MRPS9: variants seen among roughly 807,000 people sequenced by gnomAD.
MRPS9 encodes the protein small ribosomal subunit protein uS9m.
A neutral mutation model predicts 59.9 loss-of-function variants in MRPS9; 45 were observed. That is an observed-to-expected ratio of 0.75 (90% CI 0.59 to 0.96). MRPS9 has a LOEUF of 0.96. Among genes scored for constraint, MRPS9 ranks in the 40% least tolerant of loss-of-function variants. The pLI, the probability that MRPS9 is intolerant of heterozygous loss-of-function variation, is 0.00. For synonymous variants in MRPS9, 171 were observed against 166.8 expected, an observed-to-expected ratio of 1.03 and a Z score of -0.19; for missense variants, 473 against 481.1, an observed-to-expected ratio of 0.98 and a Z score of 0.16.
intron 1 of MRPS9, among the ~76,000 whole-genome samples, chr2:105,041,257 TATA>T (rs1157607580): frequency 4.6e-5 from 7 of 152,222 alleles, no homozygotes; most frequent in Non-Finnish European, 1.0e-4. Flanking sequence ...TTTGGTTTTC[TATA>T]ATATTTGTGA....
intron 4 of MRPS9, among the ~76,000 whole-genome samples, chr2:105,078,182 G>A (rs1366693870): frequency 6.9e-6 from 1 of 145,106 alleles, no homozygotes; most frequent in Non-Finnish European, 1.5e-5. Context: ...TCTGACAGCA[G>A]GGAACACTTC....
Position 105,038,116 on chromosome 2 carries a change from C to T in MRPS9, c.24C>T (p.Tyr8=), listed in dbSNP as rs1460666288. 6.2e-7 allele frequency: 1 copy of T among 1,613,972 alleles called. No homozygotes were observed. The highest frequency in any genetic ancestry group is 1.7e-5 in the Admixed American group (1 of 60,010). The change falls in exon 1 of 11, where the codon TAC becomes TAT. Residue 8 remains tyrosine (Y), a synonymous_variant. Coordinates refer to ENST00000258455, the MANE Select transcript of MRPS9 (RefSeq NM_182640.3). MAAPCVS[Y]GGAVSYRLLL... ...ACATGGCGGCGCCCTGTGTGTCCTACGGCGGAGCAGTTTCGTACCGGCTTC... is the reference window on the plus strand; with the variant it reads ...ACATGGCGGCGCCCTGTGTGTCCTATGGCGGAGCAGTTTCGTACCGGCTTC...
intron 5 of MRPS9, among the ~76,000 whole-genome samples, chr2:105,082,410 C>G (rs535435781): frequency 6.6e-6 from 1 of 152,192 alleles, no homozygotes; most frequent in South Asian, 2.1e-4. Flanking sequence ...CTTCTGATGC[C>G]GATTAACCTT....
At chr2:105,065,904 T>C (rs919282158) in intron 2 of MRPS9, among the ~76,000 whole-genome samples, 1 of 152,154 alleles carries the variant, frequency 6.6e-6, no homozygotes, top group African/African-American at 2.4e-5. Flanking sequence ...TAATTTTTTT[T>C]CATAGCCAGG....
intron 4 of MRPS9, 113 bp from the exon 5 acceptor site, chr2:105,079,870 T>G (rs1308456739): frequency 1.8e-6 from 1 of 553,472 alleles, no homozygotes; most frequent in Non-Finnish European, 3.1e-6. Context: ...GTGATTTTTT[T>G]GTATTTTTTA....
chr2:105,086,084 T>G (rs1482682003), intron 5 of MRPS9, among the ~76,000 whole-genome samples: 1 of 152,334 alleles, frequency 6.6e-6, no homozygotes. Flanking sequence ...ATGGAAATGA[T>G]GCACCAGTAA....
chr2:105,044,225 G>A (rs1679553404), intron 1 of MRPS9, among the ~76,000 whole-genome samples: 2 of 151,584 alleles, frequency 1.3e-5, no homozygotes, highest in African/African-American at 2.4e-5. Flanking sequence ...GAGCCACTGC[G>A]CCTGGCTGCA....
intron 7 of MRPS9, among the ~76,000 whole-genome samples, chr2:105,090,537 C>G (rs2104467940): frequency 6.6e-6 from 1 of 152,308 alleles, no homozygotes; most frequent in East Asian, 1.9e-4. Context: ...CACCCTAGAT[C>G]TAGCTCAGAA....
intron 1 of MRPS9, among the ~76,000 whole-genome samples, chr2:105,048,102 A>C (rs557891077): frequency 6.6e-6 from 1 of 152,176 alleles, no homozygotes; most frequent in South Asian, 2.1e-4. Flanking sequence ...GAACCAACCC[A>C]AATGTCCAAC....
At chr2:105,076,682 GCTTTCAATA>G (rs1185865564) in intron 4 of MRPS9, among the ~76,000 whole-genome samples, 2 of 152,140 alleles carry the variant, frequency 1.3e-5, no homozygotes, top group Non-Finnish European at 2.9e-5. Context: ...TATACATACA[GCTTTCAATA>G]CTTTTAAAGT....
chr2:105,086,650 A>G (rs1182303376), intron 5 of MRPS9, among the ~76,000 whole-genome samples: 3 of 152,214 alleles, frequency 2.0e-5, no homozygotes, highest in East Asian at 1.9e-4. Flanking sequence ...TTTTAAGTTC[A>G]TATATTCTTC....
chr2:105,068,155 C>A (rs1256038715), intron 2 of MRPS9, among the ~76,000 whole-genome samples: 3 of 152,186 alleles, frequency 2.0e-5, no homozygotes, highest in Non-Finnish European at 4.4e-5. Context: ...AGTTGACCCT[C>A]CCATTGCTCC....
At chr2:105,078,141 CTT>C (rs11421327) in intron 4 of MRPS9, among the ~76,000 whole-genome samples, 2 of 127,104 alleles carry the variant, frequency 1.6e-5, no homozygotes, top group Admixed American at 8.2e-5. Flanking sequence ...AATTCTAAGA[CTT>C]TTTTTTTTTT....
At chr2:105,053,752 G>A (rs1256684554) in intron 2 of MRPS9, among the ~76,000 whole-genome samples, 2 of 152,126 alleles carry the variant, frequency 1.3e-5, no homozygotes, top group African/African-American at 4.8e-5. Flanking sequence ...AAGATAAGTG[G>A]TGGCAGCTAT....
At chr2:105,078,315 A>AGTGTGTGTGTGT (rs71250682) in intron 4 of MRPS9, among the ~76,000 whole-genome samples, 20,546 of 147,264 alleles carry the variant, frequency 0.14, 1,482 homozygotes, top group Middle Eastern at 0.24. Context: ...GGTGAAGTCA[A>AGTGTGTGTGTGT]GTGTGTGTGT....
chr2:105,068,931 G>T (rs1247450041), intron 2 of MRPS9, among the ~76,000 whole-genome samples: 1 of 152,140 alleles, frequency 6.6e-6, no homozygotes, highest in Non-Finnish European at 1.5e-5. Context: ...GTATTCATAG[G>T]GGTGTATCTT....
chr2:105,047,554 G>A (rs1172183207), intron 1 of MRPS9, among the ~76,000 whole-genome samples: 2 of 151,866 alleles, frequency 1.3e-5, no homozygotes, highest in Non-Finnish European at 2.9e-5. Flanking sequence ...TTATGAAAAA[G>A]GAAGTGAGTG....
At chr2:105,044,015 A>G (rs1264054729) in intron 1 of MRPS9, among the ~76,000 whole-genome samples, 1 of 148,626 alleles carries the variant, frequency 6.7e-6, no homozygotes, top group Non-Finnish European at 1.5e-5. Flanking sequence ...GGCTCACTGC[A>G]ACCTCCGCCT....
chr2:105,043,078 G>A (rs796477758), intron 1 of MRPS9, among the ~76,000 whole-genome samples: 6 of 151,500 alleles, frequency 4.0e-5, no homozygotes, highest in East Asian at 1.9e-4. Context: ...CCTTGCCACC[G>A]CCATATCTAA....
Sources: gnomAD v4.1 joint callset for allele counts (sites outside exome capture counted in the v4.1 genomes callset) on GRCh38, gnomAD v4.1.1 for gene constraint, MANE v1.5 for transcripts, NCBI Gene and HGNC (gene_info 2026-07-23, HGNC 2026-07-21) for gene names.